PHF14: variants seen among roughly 807,000 people sequenced by gnomAD.
The protein encoded by PHF14 is PHD finger protein 14.
PHF14 carries 55 observed loss-of-function variants against 117.9 expected under a neutral mutation model. That is an observed-to-expected ratio of 0.47 (90% CI 0.38 to 0.58). PHF14 has a LOEUF of 0.58. PHF14 is among the 20% of genes least tolerant of loss of function. PHF14 has a pLI of 0.00. For missense variants in PHF14, 978 were observed against 1,122.2 expected (o/e 0.87, Z 1.84); for synonymous variants, 409 against 368.6 (o/e 1.11, Z -1.26).
intron 3 of PHF14, among the ~76,000 whole-genome samples, chr7:10,988,558 C>A: frequency 1.2e-5 from 1 of 86,100 alleles, no homozygotes; most frequent in Admixed American, 1.2e-4. Flanking sequence ...TTTTTTTAAC[C>A]TAGATGTGGT....
intron 17 of PHF14, among the ~76,000 whole-genome samples, chr7:11,164,991 C>T (rs1402611100): frequency 6.6e-6 from 1 of 152,152 alleles, no homozygotes; most frequent in African/African-American, 2.4e-5. Flanking sequence ...GTGGCGCGAT[C>T]TCCGCTCACT....
At chr7:11,153,239 A>C (rs571732797) in intron 17 of PHF14, among the ~76,000 whole-genome samples, 1 of 152,324 alleles carries the variant, frequency 6.6e-6, no homozygotes, top group South Asian at 2.1e-4. Flanking sequence ...TGGAGATAGA[A>C]AGCACTAGAC....
chr7:11,063,689 G>A (rs1167045297), intron 16 of PHF14: 1 of 904,252 alleles, frequency 1.1e-6, no homozygotes, highest in African/African-American at 1.8e-5. Flanking sequence ...GTCATATATT[G>A]GAAATTAGGA....
At chr7:11,022,377 A>T (rs1471651627) in intron 5 of PHF14, among the ~76,000 whole-genome samples, 1 of 152,200 alleles carries the variant, frequency 6.6e-6, no homozygotes, top group African/African-American at 2.4e-5. Flanking sequence ...GTCCTTAAAG[A>T]TTATTACCCC....
intron 17 of PHF14, among the ~76,000 whole-genome samples, chr7:11,161,130 A>G (rs1789011766): frequency 6.6e-6 from 1 of 152,158 alleles, no homozygotes; most frequent in South Asian, 2.1e-4. Context: ...TCTTCTGCAT[A>G]TGGCTAGCCA....
intron 4 of PHF14, among the ~76,000 whole-genome samples, chr7:11,009,241 A>G (rs1262160570): frequency 6.6e-6 from 1 of 152,184 alleles, no homozygotes; most frequent in Non-Finnish European, 1.5e-5. Context: ...GGTTTGTTCA[A>G]AGTTACACAG....
chr7:11,036,912 C>T, intron 9 of PHF14, 73 bp from the exon 10 acceptor site: 1 of 1,055,336 alleles, frequency 9.5e-7, no homozygotes, highest in South Asian at 1.5e-5. Flanking sequence ...ATGTGATCAT[C>T]TTTATAGCTA....
chr7:11,144,455 T>C (rs1252987876), intron 17 of PHF14, among the ~76,000 whole-genome samples: 1 of 151,540 alleles, frequency 6.6e-6, no homozygotes, highest in Non-Finnish European at 1.5e-5. Flanking sequence ...TTATAAATTA[T>C]GTACCTATAC....
chr7:10,995,837 C>T lies in PHF14; in HGVS notation c.1045+4990C>T, dbSNP rs540671973. 2.5e-3 allele frequency among the ~76,000 whole-genome samples: 383 copies of T among 152,350 alleles called. 1 individual carries two copies. Among genetic ancestry groups the T allele is most frequent in the Non-Finnish European group, 2.5e-3 (172 of 68,020 alleles). Reference sequence around the variant, plus strand: ...CCCGGGGCTGGCAGTGCCCGCCAAGCCCATGCCCACCCGGAACTCGCGCTG... The same window carrying T: ...CCCGGGGCTGGCAGTGCCCGCCAAGTCCATGCCCACCCGGAACTCGCGCTG... On this transcript the variant is annotated intron_variant, in intron 4 of 17. Transcript: ENST00000634607.
At chr7:11,121,589 T>G (rs1787754193) in intron 17 of PHF14, among the ~76,000 whole-genome samples, 2 of 152,086 alleles carry the variant, frequency 1.3e-5, no homozygotes, top group Non-Finnish European at 1.5e-5. Flanking sequence ...ATATCAAAAT[T>G]GTTAACATCA....
At position 11,106,343 on chromosome 7, in the gene PHF14, G is replaced by A. The variant is rs1025393631; in HGVS notation, c.2655-5007G>A. On this transcript the variant is annotated intron_variant, in intron 16 of 17. Transcript: ENST00000634607. ...ATTGGCTGATACAGAAGTCTGTAGTGGTATTAATGAAATAGGTTCAAGCCC... is the reference window on the plus strand; with the variant it reads ...ATTGGCTGATACAGAAGTCTGTAGTAGTATTAATGAAATAGGTTCAAGCCC... 67 of 979,976 alleles carry A rather than the reference G, an allele frequency of 6.8e-5. No individual in the cohort carries two copies. In the African/African-American group the frequency reaches 1.2e-3, roughly 17 times the overall value. 60.7% of individuals were successfully genotyped at this position (979,976 alleles called of 1,614,324 possible). A position where few individuals can be genotyped will look rare whatever the true frequency, so the allele number is the denominator to read the frequency against.
Position 11,096,441 on chromosome 7 carries a change from CT to C in PHF14, c.2655-14906del, listed in dbSNP as rs1476651387. 1.4e-4 allele frequency among the ~76,000 whole-genome samples: 22 copies of C among 152,094 alleles called. 1 individual carries two copies. Among genetic ancestry groups the C allele is most frequent in the Admixed American group, 7.9e-4 (12 of 15,264 alleles). On this transcript the variant is annotated intron_variant, in intron 16 of 17. Coordinates refer to ENST00000634607, the MANE Select transcript of PHF14 (RefSeq NM_001007157.2). ...GTAACTAGCATCAAATATATTTTTA[CT>C]TTAGGATGTTCTTATCGTAAAGTTT...
At chr7:10,992,885 C>A (rs752070507) in intron 4 of PHF14, among the ~76,000 whole-genome samples, 1 of 152,056 alleles carries the variant, frequency 6.6e-6, no homozygotes, top group African/African-American at 2.4e-5. Context: ...GTAGAACAGT[C>A]CTTGAGTTTC....
At chr7:11,082,207 A>T (rs1786168868) in intron 16 of PHF14, among the ~76,000 whole-genome samples, 1 of 151,578 alleles carries the variant, frequency 6.6e-6, no homozygotes, top group African/African-American at 2.4e-5. Flanking sequence ...TCAGCTGGGC[A>T]TAGTGACACG....
At chr7:10,991,543 T>C (rs1405657832) in intron 4 of PHF14, among the ~76,000 whole-genome samples, 1 of 151,686 alleles carries the variant, frequency 6.6e-6, no homozygotes, top group East Asian at 2.0e-4. Flanking sequence ...CTCCTGACTT[T>C]AAGTGATCCG....
intron 16 of PHF14, among the ~76,000 whole-genome samples, chr7:11,083,464 A>AT (rs776573456): frequency 0.13 from 14,623 of 112,206 alleles, 1,327 homozygotes; most frequent in African/African-American, 0.21. Flanking sequence ...TGCTTTCCCT[A>AT]TTTTTTTTTT....
chr7:10,992,058 T>C (rs965394313), intron 4 of PHF14, among the ~76,000 whole-genome samples: 12 of 151,860 alleles, frequency 7.9e-5, no homozygotes, highest in Admixed American at 1.3e-4. Flanking sequence ...TCTTTCATAG[T>C]TGTATTTTTA....
chr7:11,008,781 A>T (rs1189046684), intron 4 of PHF14, among the ~76,000 whole-genome samples: 1 of 152,092 alleles, frequency 6.6e-6, no homozygotes. Flanking sequence ...CACGCCTGTA[A>T]TCCCAGCACT....
intron 16 of PHF14, among the ~76,000 whole-genome samples, chr7:11,069,932 C>G (rs1420152471): frequency 1.3e-5 from 2 of 151,178 alleles, no homozygotes; most frequent in Admixed American, 6.6e-5. Flanking sequence ...AAAAAGTGTT[C>G]CCTTATTCTT....
Sources: allele counts gnomAD v4.1 joint callset (sites outside exome capture counted in the v4.1 genomes callset), GRCh38; gene constraint gnomAD v4.1.1; transcripts MANE v1.5; gene names NCBI Gene and HGNC (gene_info 2026-07-23, HGNC 2026-07-21).